CMIP: variants seen among roughly 807,000 people sequenced by gnomAD.
CMIP encodes the protein C-Maf-inducing protein.
In CMIP, 13 loss-of-function variants were observed where a neutral mutation model predicts 97.3. The ratio of observed to expected loss-of-function variants is 0.13; its 90% CI spans 0.09 to 0.21. The LOEUF is 0.21. Ranked by LOEUF, CMIP falls within the 10% of genes least tolerant of loss-of-function variation. The pLI is 1.00. For missense variants in CMIP, 847 were observed against 1,024.9 expected (o/e 0.83, Z 2.37); for synonymous variants, 538 against 436.3 (o/e 1.23, Z -2.91).
At chr16:81,515,404 G>A (rs1008924099) in intron 1 of CMIP, among the ~76,000 whole-genome samples, 3 of 152,178 alleles carry the variant, frequency 2.0e-5, no homozygotes, top group Admixed American at 6.5e-5. Flanking sequence ...CGTGTGTGGC[G>A]ATGTAAGGAG....
intron 1 of CMIP, among the ~76,000 whole-genome samples, chr16:81,456,319 CG>C (rs1284804305): frequency 6.6e-6 from 1 of 152,184 alleles, no homozygotes; most frequent in East Asian, 1.9e-4. Context: ...TCATCAGCCC[CG>C]TGAGGCGTTA....
chr16:81,593,505 C>G (rs746010680), intron 1 of CMIP, among the ~76,000 whole-genome samples: 2 of 152,216 alleles, frequency 1.3e-5, no homozygotes, highest in Non-Finnish European at 2.9e-5. Context: ...GTCGGTCACC[C>G]CATGCACCAG....
intron 1 of CMIP, among the ~76,000 whole-genome samples, chr16:81,604,012 GC>G (rs2091700271): frequency 6.6e-6 from 1 of 152,184 alleles, no homozygotes; most frequent in African/African-American, 2.4e-5. Context: ...ACAGTAAGCG[GC>G]CCAAACACAA....
At chr16:81,676,797 G>A (rs567054100) in intron 9 of CMIP, among the ~76,000 whole-genome samples, 11 of 152,248 alleles carry the variant, frequency 7.2e-5, no homozygotes, top group African/African-American at 1.2e-4. Flanking sequence ...GGCTATTCAC[G>A]TGCCCCCTCC....
intron 1 of CMIP, among the ~76,000 whole-genome samples, chr16:81,447,501 C>G (rs1003697305): frequency 3.3e-5 from 5 of 152,162 alleles, no homozygotes; most frequent in African/African-American, 1.2e-4. Context: ...ACCTGAATAG[C>G]CAGAGGCCCC....
Position 81,616,468 on chromosome 16 carries a change from T to C in CMIP, c.427-4408T>C, listed in dbSNP as rs1280135698. Among the ~76,000 whole-genome samples the C allele has an allele frequency of 6.6e-6, 1 of 152,208 alleles. No individual in the cohort carries two copies. Among genetic ancestry groups the C allele is most frequent in the Non-Finnish European group, 1.5e-5 (1 of 68,028 alleles). ...GGAGGAGAGGAGGTGTGTGTGAGCA[T>C]TTCTCGTGGTGCCTGGTACCGAGTA... On this transcript the variant is annotated intron_variant, in intron 2 of 20. Coordinates refer to ENST00000537098, the MANE Select transcript of CMIP (RefSeq NM_198390.3). The surrounding 1 kb of genome is among the most constrained non-coding windows in gnomAD (Gnocchi z 4.7).
chr16:81,559,756 T>C (rs1017812111), intron 1 of CMIP, among the ~76,000 whole-genome samples: 1 of 152,216 alleles, frequency 6.6e-6, no homozygotes, highest in Non-Finnish European at 1.5e-5. Context: ...TTCGCTCTAC[T>C]GTACATTTTA....
intron 9 of CMIP, among the ~76,000 whole-genome samples, chr16:81,676,593 A>T (rs894776066): frequency 5.3e-5 from 8 of 152,192 alleles, no homozygotes; most frequent in Non-Finnish European, 7.3e-5. Flanking sequence ...ATCACAGACC[A>T]CACACAAGTT....
intron 3 of CMIP, among the ~76,000 whole-genome samples, chr16:81,649,616 G>C (rs1464154710): frequency 6.6e-6 from 1 of 152,208 alleles, no homozygotes; most frequent in African/African-American, 2.4e-5. Flanking sequence ...CCTCTTCTTT[G>C]TGCTTTTCAG....
At chr16:81,508,180 A>G (rs2089745251) in intron 1 of CMIP, among the ~76,000 whole-genome samples, 2 of 152,206 alleles carry the variant, frequency 1.3e-5, no homozygotes, top group South Asian at 4.1e-4. Context: ...AATAGATAGG[A>G]CTTTCATATG....
chr16:81,693,680 G>T (rs985542504), intron 13 of CMIP, among the ~76,000 whole-genome samples, 193 bp downstream of exon 13: 1 of 152,204 alleles, frequency 6.6e-6, no homozygotes, highest in Non-Finnish European at 1.5e-5. Context: ...TACTGTAAAC[G>T]CCGGCTCACC....
chr16:81,451,529 A>G (rs758977390), intron 1 of CMIP, among the ~76,000 whole-genome samples: 10 of 152,082 alleles, frequency 6.6e-5, no homozygotes, highest in Non-Finnish European at 1.5e-4. Context: ...CTCTATTTTG[A>G]TGTTCTTTTG....
intron 1 of CMIP, among the ~76,000 whole-genome samples, chr16:81,534,711 T>C (rs1251684510): frequency 1.3e-5 from 2 of 152,118 alleles, no homozygotes; most frequent in East Asian, 3.8e-4. Context: ...CCAGGATAAA[T>C]TTTTGGTATA....
intron 7 of CMIP, among the ~76,000 whole-genome samples, chr16:81,667,924 C>G (rs2092627969): frequency 6.6e-6 from 1 of 151,786 alleles, no homozygotes; most frequent in Admixed American, 6.6e-5. Flanking sequence ...ACAGTCCTAG[C>G]AGGCAGACGA....
intron 1 of CMIP, among the ~76,000 whole-genome samples, chr16:81,505,798 C>A (rs1180353693): frequency 1.3e-5 from 2 of 152,144 alleles, no homozygotes; most frequent in African/African-American, 4.8e-5. Context: ...TGAGACCAGC[C>A]TGACCAACAT....
In CMIP at chr16:81,704,675, C is replaced by A. The variant is rs980515011; in HGVS notation, c.2091+590C>A. Among the ~76,000 whole-genome samples the A allele has an allele frequency of 6.8e-5, 6 of 88,734 alleles. No individual in the cohort carries two copies. The Admixed American group carries it at 7.3e-4, about 11-fold the overall frequency. The allele number at this position is 88,734 out of a possible 152,430, so 58.2% of individuals were successfully genotyped here. The stretch of plus-strand genomic sequence containing the variant: ...CTAACTCGTTCACCCTCCTCCCTAC[C>A]CCTTCATCCTCCTCCCTGCCCCCGT... On this transcript the variant is annotated intron_variant, in intron 18 of 20. Transcript: ENST00000537098.
chr16:81,481,758 G>C (rs1193460794), intron 1 of CMIP, among the ~76,000 whole-genome samples: 1 of 152,128 alleles, frequency 6.6e-6, no homozygotes, highest in Non-Finnish European at 1.5e-5. Flanking sequence ...AAGCCTAAGG[G>C]AAGGGTCTGT....
intron 3 of CMIP, among the ~76,000 whole-genome samples, chr16:81,650,578 C>T (rs552024831): frequency 1.3e-4 from 20 of 152,098 alleles, no homozygotes; most frequent in Admixed American, 2.6e-4. Flanking sequence ...TCATGGGGTG[C>T]GGGAAAATAA....
At chr16:81,492,971 C>CT (rs2089428906) in intron 1 of CMIP, among the ~76,000 whole-genome samples, 1 of 152,090 alleles carries the variant, frequency 6.6e-6, no homozygotes, top group Non-Finnish European at 1.5e-5. Flanking sequence ...GCAGATGCCC[C>CT]TTTAGTAGGA....
Sources: gnomAD v4.1 joint callset for allele counts (sites outside exome capture counted in the v4.1 genomes callset) on GRCh38, gnomAD v4.1.1 for gene constraint, Gnocchi (gnomAD v3.1) non-coding constraint, MANE v1.5 for transcripts, NCBI Gene and HGNC (gene_info 2026-07-23, HGNC 2026-07-21) for gene names.